The following MAPK15 variants were observed in gnomAD, a reference collection of about 807,000 sequenced individuals.
The protein encoded by MAPK15 is ERK-7.
In MAPK15, 61 loss-of-function variants were observed where a neutral mutation model predicts 60.8. That is an observed-to-expected ratio of 1.00 (90% confidence interval 0.82 to 1.24). MAPK15 has a LOEUF of 1.24. Ranked by LOEUF, MAPK15 falls within the 50% of genes most tolerant of loss-of-function variation. The probability of loss-of-function intolerance (pLI) is 0.00; values close to 1 mark genes in which losing one functional copy is unlikely to be tolerated. For synonymous variants in MAPK15, 356 were observed against 319.9 expected, an observed-to-expected ratio of 1.11 and a Z score of -1.21; for missense variants, 808 against 741.1, an observed-to-expected ratio of 1.09 and a Z score of -1.05.
Position 143,717,701 on chromosome 8 carries a change from G to A in MAPK15, c.74G>A (p.Gly25Asp). 3 of 1,606,968 alleles carry A rather than the reference G, an allele frequency of 1.9e-6. No homozygotes were observed. The highest frequency in any genetic ancestry group is 1.3e-5 in the African/African-American group (1 of 75,012). The change falls in exon 2 of 14, where the codon GGC (glycine) becomes GAC (aspartate). Residue 25 changes from glycine to aspartate, a missense_variant. Coordinates refer to ENST00000338033, the MANE Select transcript of MAPK15 (RefSeq NM_139021.3). ...GACGGCACTCCTTCCCAGGCCTATG[G>A]CATTGTGTGGAAGGCAGTGGACCGG... is the stretch of plus-strand genomic sequence containing the variant. Reference protein sequence around the residue: ...LRRQLGQGAYGIVWKAVDRRT... With the variant: ...LRRQLGQGAYDIVWKAVDRRT...
chr8:143,721,709 T>G (rs1403125756), intron 12 of MAPK15, 36 bp downstream of exon 12: 2 of 1,612,380 alleles, frequency 1.2e-6, no homozygotes, highest in Non-Finnish European at 1.7e-6. Context: ...GAGGGACCCC[T>G]CCTCTGCACC....
chr8:143,716,505 T>G, intron 1 of MAPK15, 62 bp downstream of exon 1: 1 of 1,495,598 alleles, frequency 6.7e-7, no homozygotes, highest in South Asian at 1.2e-5. Context: ...AGAGAGGACC[T>G]GCGGGGCGCG....
chr8:143,719,183 C>T lies in MAPK15; in HGVS notation c.581+27C>T, dbSNP rs782355471. 1.9e-5 allele frequency: 28 copies of T among 1,510,644 alleles called. No homozygotes were observed. In the African/African-American group the frequency reaches 2.4e-4, roughly 13 times the overall value. The allele number at this position is 1,510,644 out of a possible 1,614,324, so 93.6% of individuals were successfully genotyped here. ...TAATAGCGAGACATCCCCAACCCCC[C>T]CTCCACCTCCCTGCTGCCCTCCTGC... On this transcript the variant is annotated intron_variant, in intron 6 of 13. Coordinates refer to ENST00000338033, the MANE Select transcript of MAPK15 (RefSeq NM_139021.3).
Position 143,719,368 on chromosome 8 carries a change from A to ATCCACCCCAAG in MAPK15, c.607_608insTCCACCCCAAG (p.Ser203IlefsTer31). The ATCCACCCCAAG allele has an allele frequency of 6.2e-7, 1 of 1,610,370 alleles. No homozygotes were observed. The highest frequency in any genetic ancestry group is 8.5e-7 in the Non-Finnish European group (1 of 1,178,204). ...ATACACCCTTGGGGTGGACATGTGG[A>ATCCACCCCAAG]GTCTGGGCTGTATCCTGGGGGAGAT... On this transcript the variant is annotated frameshift_variant, in exon 7 of 14. Coordinates refer to ENST00000338033, the MANE Select transcript of MAPK15 (RefSeq NM_139021.3). LOFTEE classifies it high-confidence loss of function.
At position 143,722,335 on chromosome 8, in the gene MAPK15, C is replaced by A; in HGVS notation, c.*84C>A. 7.8e-7 allele frequency: 1 copy of A among 1,288,510 alleles called. No individual in the cohort carries two copies. Among genetic ancestry groups the A allele is most frequent in the Non-Finnish European group, 1.0e-6 (1 of 957,708 alleles). The allele number at this position is 1,288,510 out of a possible 1,614,324, so 79.8% of individuals were successfully genotyped here. ...CTCTCCAGTCTCCTGCACCCCTTAG[C>A]CCTCCCTGCTTTGCCTGGCCCGTTG... On this transcript the variant is annotated 3_prime_UTR_variant, in exon 14 of 14. Coordinates refer to ENST00000338033, the MANE Select transcript of MAPK15 (RefSeq NM_139021.3).
chr8:143,721,563 G>A lies in MAPK15; in HGVS notation c.1219G>A (p.Ala407Thr), dbSNP rs554447551. Reference protein sequence around the residue: ...DPAEHESPRAAKNVPRQNSAP... With the variant: ...DPAEHESPRATKNVPRQNSAP... Reference sequence around the variant, plus strand: ...TGACCCCACAGAGTCCCCCCGTGCAGCCAAGAACGTTCCCAGGCAGAACTC... The same window carrying A: ...TGACCCCACAGAGTCCCCCCGTGCAACCAAGAACGTTCCCAGGCAGAACTC... The change falls in exon 12 of 14, where the codon GCC becomes ACC. Residue 407 changes from alanine (A) to threonine (T), a missense_variant. Coordinates refer to ENST00000338033, the MANE Select transcript of MAPK15 (RefSeq NM_139021.3). The A allele has an allele frequency of 1.9e-6, 3 of 1,613,706 alleles. No individual in the cohort carries two copies. Among genetic ancestry groups the A allele is most frequent in the Admixed American group, 3.3e-5 (2 of 59,950 alleles).
chr8:143,718,937 G>A, intron 5 of MAPK15, 32 bp downstream of exon 5: 1 of 1,597,978 alleles, frequency 6.3e-7, no homozygotes, highest in Non-Finnish European at 8.5e-7. Flanking sequence ...TATGCCACGT[G>A]GCCCGGCTCC....
chr8:143,717,449 C>T (rs1250855492), intron 1 of MAPK15, among the ~76,000 whole-genome samples: 1 of 152,132 alleles, frequency 6.6e-6, no homozygotes, highest in Non-Finnish European at 1.5e-5. Flanking sequence ...ATTTCCTGCC[C>T]AGACGCTCCC....
chr8:143,721,198 C>A, intron 10 of MAPK15, 33 bp from the exon 11 acceptor site: 1 of 1,597,510 alleles, frequency 6.3e-7, no homozygotes, highest in Non-Finnish European at 8.5e-7. Flanking sequence ...CATGCCCAGG[C>A]TGTGACCTCT....
At position 143,718,283 on chromosome 8, in the gene MAPK15, C is replaced by G. The variant is rs781805477; in HGVS notation, c.267C>G (p.Tyr89Ter). ...VIRAENDRDI[Y>*]LVFEFMDTDL... is the part of the protein sequence containing the mutation. ...GGGCAGAGAACGACAGGGACATTTACCTGGTGTTTGAGTTTATGGGTGAGT... is the reference window on the plus strand; with the variant it reads ...GGGCAGAGAACGACAGGGACATTTAGCTGGTGTTTGAGTTTATGGGTGAGT... Residue 89 changes from tyrosine to a stop codon, truncating the protein, a stop_gained, in exon 4 of 14, where the codon TAC becomes TAG. Transcript: ENST00000338033. LOFTEE classifies it high-confidence loss of function. 1 of 1,614,072 alleles carries G rather than the reference C, an allele frequency of 6.2e-7. No individual in the cohort carries two copies. The highest frequency in any genetic ancestry group is 1.7e-5 in the Admixed American group (1 of 60,028).
chr8:143,721,873 T>C lies in MAPK15; in HGVS notation c.1451T>C (p.Val484Ala). ...NRGGGVRVAS[V>A]QQVPPRLPPE... ...GGCGGTGGGGTGAGGGTGGCCAGCG[T>C]ACAACAGGTAAGCCCGGCCCAGTCT... Residue 484 changes from valine (V) to alanine (A), a missense_variant, in exon 13 of 14, where the codon GTA becomes GCA. Coordinates refer to ENST00000338033, the MANE Select transcript of MAPK15 (RefSeq NM_139021.3). 2 of 1,586,702 alleles carry C rather than the reference T, an allele frequency of 1.3e-6. No homozygotes were observed. Among genetic ancestry groups the C allele is most frequent in the Non-Finnish European group, 1.7e-6 (2 of 1,167,202 alleles).
At chr8:143,722,030 C>A (rs367761108) in intron 13 of MAPK15, 45 bp from the exon 14 acceptor site, 2 of 1,578,716 alleles carry the variant, frequency 1.3e-6, no homozygotes, top group African/African-American at 1.4e-5. Context: ...CCCTCCACTG[C>A]ACCCCCTCTG....
At chr8:143,718,449 C>T (rs1554618890) in intron 4 of MAPK15, 147 bp downstream of exon 4, 3 of 768,358 alleles carry the variant, frequency 3.9e-6, no homozygotes, top group Non-Finnish European at 6.6e-6. Flanking sequence ...GACTCAGGGA[C>T]AGACAGCTGA....
rs782636164 is a variant in MAPK15, at chr8:143,720,833, G to A, written c.910G>A (p.Val304Met). The A allele has an allele frequency of 6.8e-6, 11 of 1,612,226 alleles. No individual in the cohort carries two copies. The highest frequency in any genetic ancestry group is 2.2e-5 in the East Asian group (1 of 44,870). Residue 304 changes from valine to methionine, a missense_variant, in exon 9 of 14, where the codon GTG (valine) becomes ATG (methionine). Physicochemically the swap from Val to Met is conservative, Grantham distance 21. Transcript: ENST00000338033. This position sits in a 1 kb window ranked among gnomAD's most constrained non-coding sequence, Gnocchi z 4.6. ...SATQALQHPY[V>M]QRFHCPSDEW... is the part of the protein sequence containing the mutation. ...GACCCAGGCACTGCAGCACCCCTAC[G>A]TGCAGAGGTGGGGGTGGGAGAGAGT...
rs545136854 is a variant in MAPK15, at chr8:143,721,996, A to C, written c.1459-79A>C. The C allele has an allele frequency of 1.1e-3, 1,742 of 1,533,566 alleles. 36 individuals are homozygous for C. The South Asian group carries it at 0.02, about 18-fold the overall frequency. 95.0% of individuals were successfully genotyped at this position (1,533,566 alleles called of 1,614,324 possible). On this transcript the variant is annotated intron_variant, in intron 13 of 13. Transcript: ENST00000338033. ...ATTGCCCCTCCAATGTCCAGTTCAA[A>C]TCTCTCGAGGACCTCAAGGCCTCCC...
rs1817812063 is a variant in MAPK15, at chr8:143,716,443, G to GGTGA, written c.66+4_66+7dup. The stretch of plus-strand genomic sequence containing the variant: ...TACTCAGGCGGCAGCTCGGGCAGGG[G>GGTGA]GTGAGTGCCTGGGGGTGCGTCCGCG... On this transcript the variant is annotated frameshift_variant and splice_region_variant. Coordinates refer to ENST00000338033, the MANE Select transcript of MAPK15 (RefSeq NM_139021.3). LOFTEE classifies it high-confidence loss of function. 1.9e-6 allele frequency: 3 copies of GGTGA among 1,602,846 alleles called. No homozygotes were observed. The highest frequency in any genetic ancestry group is 1.7e-6 in the Non-Finnish European group (2 of 1,175,934).
chr8:143,718,748 C>CCCCCCCCCCCA, intron 4 of MAPK15, 27 bp from the exon 5 acceptor site: 1 of 1,510,594 alleles, frequency 6.6e-7, no homozygotes, highest in Non-Finnish European at 8.9e-7. Context: ...CCCCCACCCC[C>CCCCCCCCCCCA]GACTGCAGTG....
At chr8:143,719,632 A>G in intron 7 of MAPK15, 150 bp downstream of exon 7, 1 of 1,138,932 alleles carries the variant, frequency 8.8e-7, no homozygotes, top group Non-Finnish European at 1.2e-6. Flanking sequence ...CCCCAGGAAG[A>G]CCGACTGGTG....
At chr8:143,717,820 AGGATGGG>A in intron 2 of MAPK15, 28 bp downstream of exon 2, 1 of 1,596,798 alleles carries the variant, frequency 6.3e-7, no homozygotes, top group South Asian at 1.1e-5. Context: ...AGCGTGGGAG[AGGATGGG>A]GGCAGGGAGG....
Sources: gnomAD v4.1 joint callset for allele counts (sites outside exome capture counted in the v4.1 genomes callset) on GRCh38, gnomAD v4.1.1 for gene constraint, Gnocchi (gnomAD v3.1) non-coding constraint, MANE v1.5 for transcripts, NCBI Gene and HGNC (gene_info 2026-07-23, HGNC 2026-07-21) for gene names.